CSMD1: variants seen among roughly 807,000 people sequenced by gnomAD.
CSMD1 encodes the protein CUB and sushi domain-containing protein 1.
Under a neutral mutation model 417.5 loss-of-function variants are expected in CSMD1, and 213 were observed. That is an observed-to-expected ratio of 0.51 (90% CI 0.46 to 0.57). The LOEUF (loss-of-function observed/expected upper bound fraction) is 0.57. Among genes scored for constraint, CSMD1 ranks in the 20% least tolerant of loss-of-function variants. The pLI, the probability that CSMD1 is intolerant of heterozygous loss-of-function variation, is 0.00. For missense variants in CSMD1, 6,923 were observed against 4,529.7 expected (o/e 1.53, Z -15.17); for synonymous variants, 2,862 against 1,736.8 (o/e 1.65, Z -16.11).
chr8:3,734,292 A>T (rs1213199015), intron 6 of CSMD1, among the ~76,000 whole-genome samples: 1 of 152,192 alleles, frequency 6.6e-6, no homozygotes, highest in Non-Finnish European at 1.5e-5. Flanking sequence ...TAGTGCTTCC[A>T]GGCGGGGTCT....
chr8:3,156,269 C>G (rs1310124425), intron 39 of CSMD1, among the ~76,000 whole-genome samples: 1 of 152,204 alleles, frequency 6.6e-6, no homozygotes, highest in Non-Finnish European at 1.5e-5. Context: ...CCCAGCAATA[C>G]TTGAGTGTTC....
At chr8:3,697,703 T>C (rs749533634) in intron 7 of CSMD1, among the ~76,000 whole-genome samples, 6 of 152,176 alleles carry the variant, frequency 3.9e-5, no homozygotes, top group Non-Finnish European at 7.3e-5. Context: ...TCCAATTACA[T>C]AGGAATAGAA....
chr8:3,042,068 C>T (rs1313560483), intron 50 of CSMD1, among the ~76,000 whole-genome samples: 1 of 152,158 alleles, frequency 6.6e-6, no homozygotes, highest in Non-Finnish European at 1.5e-5. Flanking sequence ...CTCATCATCA[C>T]ACAATGGTTT....
At chr8:3,962,484 T>C (rs1195816167) in intron 5 of CSMD1, among the ~76,000 whole-genome samples, 1 of 152,122 alleles carries the variant, frequency 6.6e-6, no homozygotes, top group Non-Finnish European at 1.5e-5. Flanking sequence ...ACCCCCTGTT[T>C]ATGACAGCCA....
intron 1 of CSMD1, among the ~76,000 whole-genome samples, chr8:4,765,823 A>G (rs1039561294): frequency 6.6e-6 from 1 of 152,172 alleles, no homozygotes; most frequent in African/African-American, 2.4e-5. Context: ...TGGAGTTAAC[A>G]ATAGTTAGAG....
intron 7 of CSMD1, among the ~76,000 whole-genome samples, chr8:3,699,856 A>ACTACATCTCTGGGTTATATCCCATAG (rs1800752629): frequency 1.4e-5 from 2 of 147,654 alleles, no homozygotes; most frequent in African/African-American, 5.3e-5. Flanking sequence ...CCATCCCATA[A>ACTACATCTCTGGGTTATATCCCATAG]CTACATCCCT....
At chr8:3,786,900 T>C (rs1196859862) in intron 5 of CSMD1, among the ~76,000 whole-genome samples, 1 of 152,118 alleles carries the variant, frequency 6.6e-6, no homozygotes, top group Admixed American at 6.5e-5. Flanking sequence ...CCCCACCTCC[T>C]AATACTAGCA....
At chr8:4,931,635 A>C (rs975332602) in intron 1 of CSMD1, among the ~76,000 whole-genome samples, 7 of 152,046 alleles carry the variant, frequency 4.6e-5, no homozygotes, top group Non-Finnish European at 8.8e-5. Flanking sequence ...TAAAACATCT[A>C]CCTCCTTTGG....
intron 2 of CSMD1, among the ~76,000 whole-genome samples, chr8:4,540,477 G>C (rs1276830109): frequency 2.6e-5 from 4 of 152,198 alleles, no homozygotes; most frequent in African/African-American, 4.8e-5. Context: ...GCTGAGGCAG[G>C]AGAATGGCTT....
chr8:3,308,488 T>A lies in CSMD1; in HGVS notation c.3647A>T (p.Lys1216Ile). The A allele has an allele frequency of 6.2e-7, 1 of 1,612,182 alleles. No homozygotes were observed. Among genetic ancestry groups the A allele is most frequent in the Non-Finnish European group, 8.5e-7 (1 of 1,178,814 alleles). ...QLTYTSFDLV[K>I]CEDPGIPNYG... Reference sequence around the variant, plus strand: ...GTTAGGGATGCCCGGATCCTCACATTTTACCAGATCAAAACCTGCAAGAGA... The same window carrying A: ...GTTAGGGATGCCCGGATCCTCACATATTACCAGATCAAAACCTGCAAGAGA... The change falls in exon 24 of 70, where the codon AAA becomes ATA. Residue 1216 changes from lysine to isoleucine, a missense_variant. Physicochemically the swap from Lys to Ile is moderately radical, Grantham distance 102. Transcript: ENST00000635120.
intron 3 of CSMD1, among the ~76,000 whole-genome samples, chr8:4,394,239 T>G (rs1192041347): frequency 2.0e-5 from 3 of 152,192 alleles, no homozygotes; most frequent in African/African-American, 4.8e-5. Context: ...ATTATTTTAT[T>G]CTTTCATAAG....
intron 5 of CSMD1, among the ~76,000 whole-genome samples, chr8:3,953,030 T>G (rs1811694391): frequency 6.6e-6 from 1 of 152,050 alleles, no homozygotes; most frequent in Non-Finnish European, 1.5e-5. Flanking sequence ...GAAGGTTTAC[T>G]AAAGACAAAA....
intron 2 of CSMD1, among the ~76,000 whole-genome samples, chr8:4,530,537 C>G (rs770462526): frequency 1.3e-4 from 19 of 150,734 alleles, no homozygotes; most frequent in Non-Finnish European, 1.2e-4. Context: ...ATGTTCCCCT[C>G]CCCGTGCCCA....
intron 3 of CSMD1, among the ~76,000 whole-genome samples, chr8:4,044,886 G>T (rs988191838): frequency 1.3e-5 from 2 of 152,192 alleles, no homozygotes; most frequent in Non-Finnish European, 2.9e-5. Flanking sequence ...GCAGCCCTCA[G>T]GCCCAGACTG....
At chr8:3,301,681 G>T (rs906736261) in intron 25 of CSMD1, among the ~76,000 whole-genome samples, 2 of 152,134 alleles carry the variant, frequency 1.3e-5, no homozygotes, top group Admixed American at 6.6e-5. Flanking sequence ...GTATCCATGA[G>T]CAGCCAAAGA....
chr8:4,276,910 T>A (rs372668520), intron 3 of CSMD1, among the ~76,000 whole-genome samples: 1 of 152,094 alleles, frequency 6.6e-6, no homozygotes, highest in Non-Finnish European at 1.5e-5. Flanking sequence ...TGTAATAGAG[T>A]ACTGGAATTC....
chr8:3,532,339 T>A (rs1014998452), intron 10 of CSMD1, among the ~76,000 whole-genome samples: 62 of 152,306 alleles, frequency 4.1e-4, no homozygotes, highest in African/African-American at 1.4e-3. Context: ...AAGAATCTCC[T>A]GGCTATTGGC....
intron 1 of CSMD1, among the ~76,000 whole-genome samples, chr8:4,902,154 C>T (rs1369334891): frequency 2.0e-5 from 3 of 152,006 alleles, no homozygotes; most frequent in African/African-American, 7.3e-5. Flanking sequence ...AAATGCCTGT[C>T]AACCCAGCTT....
At chr8:4,271,220 C>T (rs752308114) in intron 3 of CSMD1, among the ~76,000 whole-genome samples, 9 of 151,984 alleles carry the variant, frequency 5.9e-5, no homozygotes, top group Non-Finnish European at 1.2e-4. Context: ...ACTTGCAATG[C>T]GATATACACG....
Sources: gnomAD v4.1 joint callset for allele counts (sites outside exome capture counted in the v4.1 genomes callset) on GRCh38, gnomAD v4.1.1 for gene constraint, MANE v1.5 for transcripts, NCBI Gene and HGNC (gene_info 2026-07-23, HGNC 2026-07-21) for gene names.